The following SCAMP2 variants were observed in gnomAD, a reference collection of about 807,000 sequenced individuals.
SCAMP2 encodes secretory carrier-associated membrane protein 2.
A neutral mutation model predicts 44.1 loss-of-function variants in SCAMP2; 25 were observed. The observed-to-expected ratio is 0.57, with a 90% CI of 0.41 to 0.79. The LOEUF (loss-of-function observed/expected upper bound fraction) is 0.79. Among genes scored for constraint, SCAMP2 ranks in the 30% least tolerant of loss-of-function variants. SCAMP2 has a pLI of 0.00. For synonymous variants in SCAMP2, 156 were observed against 166.0 expected (o/e 0.94, Z 0.46); for missense variants, 355 against 411.0 (o/e 0.86, Z 1.18).
chr15:74,862,371 G>A (rs1399149464), intron 1 of SCAMP2, among the ~76,000 whole-genome samples: 5 of 150,840 alleles, frequency 3.3e-5, no homozygotes, highest in East Asian at 2.0e-4. Flanking sequence ...GAGATCAGGA[G>A]TTCAAGACCA....
chr15:74,864,224 G>C (rs1025824559), intron 1 of SCAMP2, among the ~76,000 whole-genome samples: 2 of 152,094 alleles, frequency 1.3e-5, no homozygotes, highest in African/African-American at 4.8e-5. Flanking sequence ...ACCATGCCCA[G>C]CTAATTTTTT....
chr15:74,872,019 TG>T (rs1291333745), intron 1 of SCAMP2, among the ~76,000 whole-genome samples: 1 of 151,912 alleles, frequency 6.6e-6, no homozygotes, highest in African/African-American at 2.4e-5. Context: ...CACTCCAGCC[TG>T]GGCGACAGAG....
rs1339225970 is a variant in SCAMP2, at chr15:74,848,632, G to A, written c.702C>T (p.Ile234=). 3 of 1,613,326 alleles carry A rather than the reference G, an allele frequency of 1.9e-6. No individual in the cohort carries two copies. The South Asian group carries it at 3.3e-5, about 18-fold the overall frequency. The part of the protein sequence containing the change: ...VFFCQIGIYI[I]QLVGIPGLGD... ...CCAGGCCAGGGATGCCAACCAACTG[G>A]ATGATGTAGATCCCTATTTGACAAA... Residue 234 remains isoleucine (I), a synonymous_variant, in exon 7 of 9, where the codon ATC becomes ATT. Transcript: ENST00000268099.
Position 74,848,432 on chromosome 15 carries a change from A to T in SCAMP2, c.734+168T>A, listed in dbSNP as rs552374015. On this transcript the variant is annotated intron_variant, in intron 7 of 8. Coordinates refer to ENST00000268099, the MANE Select transcript of SCAMP2 (RefSeq NM_005697.5). ...AAAAAAAAGTGAGTGGCTACTGATG[A>T]AGAACTGGAGAGAAGGCCCAAAGCA... The T allele has an allele frequency of 7.7e-6, 4 of 516,976 alleles. No individual in the cohort carries two copies. In the South Asian group the frequency reaches 1.3e-4, roughly 16 times the overall value. 32.0% of individuals were successfully genotyped at this position (516,976 alleles called of 1,614,324 possible).
In SCAMP2 at chr15:74,844,210, G is replaced by GGT. The variant is rs1555472833; in HGVS notation, c.*872_*873insAC. The GGT allele has an allele frequency of 3.4e-5, 5 of 148,650 alleles. No homozygotes were observed. Among genetic ancestry groups the GGT allele is most frequent in the African/African-American group, 1.2e-4 (5 of 40,774 alleles). The allele number at this position is 148,650 out of a possible 1,614,324, so 9.2% of individuals were successfully genotyped here. On this transcript the variant is annotated 3_prime_UTR_variant, in exon 9 of 9. Coordinates refer to ENST00000268099, the MANE Select transcript of SCAMP2 (RefSeq NM_005697.5). The stretch of plus-strand genomic sequence containing the variant: ...CCGTCCCTCGGTTCGGGGAGGGGGG[G>GGT]GGGTAGTCACAGCAAACAGGGCCAA...
At chr15:74,848,874 A>T (rs1275321597) in intron 6 of SCAMP2, among the ~76,000 whole-genome samples, 173 bp from the exon 7 acceptor site, 2 of 151,940 alleles carry the variant, frequency 1.3e-5, no homozygotes, top group Non-Finnish European at 2.9e-5. Flanking sequence ...CCCCCACCAT[A>T]ATCAAGAAGA....
chr15:74,853,904 G>T, intron 3 of SCAMP2, 117 bp downstream of exon 3: 1 of 867,472 alleles, frequency 1.2e-6, no homozygotes, highest in Non-Finnish European at 1.9e-6. Context: ...TAGCAAGAGG[G>T]CCCTTAGGGG....
Position 74,844,993 on chromosome 15 carries a change from G to T in SCAMP2, c.*90C>A. 1 of 1,465,172 alleles carries T rather than the reference G, an allele frequency of 6.8e-7. No homozygotes were observed. The highest frequency in any genetic ancestry group is 9.3e-7 in the Non-Finnish European group (1 of 1,070,930). The allele number at this position is 1,465,172 out of a possible 1,614,324, so 90.8% of individuals were successfully genotyped here. A position where few individuals can be genotyped will look rare whatever the true frequency, so the allele number is the denominator to read the frequency against. ...CAAGAACCCTGCCAGGTCTGTGCTG[G>T]GCACAACCACCACCACATAAGGCAC... On this transcript the variant is annotated 3_prime_UTR_variant, in exon 9 of 9. Coordinates refer to ENST00000268099, the MANE Select transcript of SCAMP2 (RefSeq NM_005697.5).
intron 1 of SCAMP2, among the ~76,000 whole-genome samples, chr15:74,858,851 T>C (rs978215355): frequency 1.3e-5 from 2 of 148,196 alleles, no homozygotes; most frequent in Non-Finnish European, 3.0e-5. Flanking sequence ...CTTGCTCTGT[T>C]ACCCAGGCTG....
intron 2 of SCAMP2, 145 bp downstream of exon 2, chr15:74,854,436 G>A (rs1446078519): frequency 1.3e-6 from 1 of 776,198 alleles, no homozygotes; most frequent in African/African-American, 1.7e-5. Context: ...TCCTTACCCT[G>A]CCTCCCGGGT....
intron 1 of SCAMP2, among the ~76,000 whole-genome samples, chr15:74,871,998 T>C (rs761969771): frequency 1.1e-4 from 17 of 151,224 alleles, no homozygotes; most frequent in Non-Finnish European, 1.6e-4. Context: ...TGAGCCGAGA[T>C]CGCGCTACTG....
rs778016242 is a variant in SCAMP2, at chr15:74,850,615, G to C, written c.531C>G (p.Asn177Lys). 5.6e-6 allele frequency: 9 copies of C among 1,614,154 alleles called. No individual in the cohort carries two copies. The highest frequency in any genetic ancestry group is 1.7e-5 in the Admixed American group (1 of 60,024). The change falls in exon 6 of 9, where the codon AAC becomes AAG. Residue 177 changes from asparagine to lysine, a missense_variant. Coordinates refer to ENST00000268099, the MANE Select transcript of SCAMP2 (RefSeq NM_005697.5). ...LLACLAWFSG[N>K]SSKGVDFGLS... The stretch of plus-strand genomic sequence containing the variant: ...GGCCAAAGTCCACTCCCTTGGAGCT[G>C]TTGCCCGAGAACCAGGCCAGGCAGG...
At chr15:74,865,976 A>AAGGG in intron 1 of SCAMP2, among the ~76,000 whole-genome samples, 1 of 35,902 alleles carries the variant, frequency 2.8e-5, no homozygotes, top group Admixed American at 3.5e-4. Flanking sequence ...GGAAGGAAGG[A>AAGGG]AGGAAGGAAG....
rs564521289 is a variant in SCAMP2, at chr15:74,873,326, C to A, written c.-71G>T. On this transcript the variant is annotated 5_prime_UTR_variant, in exon 1 of 9. Coordinates refer to ENST00000268099, the MANE Select transcript of SCAMP2 (RefSeq NM_005697.5). ...CGGGCACCCAGACCCAGCGGCGCTT[C>A]GTGTAGACCCTCCACTTCCGGGAGC... 7.5e-4 allele frequency: 995 copies of A among 1,327,504 alleles called. 4 individuals carry two copies. The Middle Eastern group carries it at 9.5e-3, about 13-fold the overall frequency. 82.2% of individuals were successfully genotyped at this position (1,327,504 alleles called of 1,614,324 possible).
At chr15:74,848,728 CAA>C in intron 6 of SCAMP2, 27 bp from the exon 7 acceptor site, 1 of 1,535,842 alleles carries the variant, frequency 6.5e-7, no homozygotes, top group Non-Finnish European at 9.0e-7. Context: ...AAATAAGTCA[CAA>C]GAGGGCTTGG....
chr15:74,851,556 T>G, intron 4 of SCAMP2, 75 bp from the exon 5 acceptor site: 1 of 1,584,756 alleles, frequency 6.3e-7, no homozygotes, highest in Non-Finnish European at 8.6e-7. Flanking sequence ...CACGCCAGCA[T>G]AGTGTATGGG....
At chr15:74,856,247 C>G (rs938436977) in intron 1 of SCAMP2, among the ~76,000 whole-genome samples, 1 of 150,402 alleles carries the variant, frequency 6.6e-6, no homozygotes, top group South Asian at 2.1e-4. Flanking sequence ...CCACTGGAAG[C>G]CTCTGCAGAG....
chr15:74,847,041 A>T (rs1413724836), intron 7 of SCAMP2, among the ~76,000 whole-genome samples: 1 of 152,142 alleles, frequency 6.6e-6, no homozygotes, highest in East Asian at 1.9e-4. Flanking sequence ...TCAATGGAAT[A>T]GAACTGAGAT....
chr15:74,844,663 T>C lies in SCAMP2; in HGVS notation c.*420A>G, dbSNP rs873192. 3,302 of 163,718 alleles carry C rather than the reference T, an allele frequency of 0.02. 62 individuals carry two copies. The highest frequency in any genetic ancestry group is 0.067 in the East Asian group (380 of 5,678). The allele number at this position is 163,718 out of a possible 1,614,324, so 10.1% of individuals were successfully genotyped here. On this transcript the variant is annotated 3_prime_UTR_variant, in exon 9 of 9. Transcript: ENST00000268099. Reference sequence around the variant, plus strand: ...CCCAGGCAGGAAGGACTGGGCTGTGTCTAAGAAGCCAGATTCAGGCCAGGC... The same window carrying C: ...CCCAGGCAGGAAGGACTGGGCTGTGCCTAAGAAGCCAGATTCAGGCCAGGC...
Sources: gnomAD v4.1 joint callset for allele counts (sites outside exome capture counted in the v4.1 genomes callset) on GRCh38, gnomAD v4.1.1 for gene constraint, MANE v1.5 for transcripts, NCBI Gene and HGNC (gene_info 2026-07-23, HGNC 2026-07-21) for gene names.